NPAS2: variants seen among roughly 807,000 people sequenced by gnomAD.
NPAS2 encodes the protein neuronal PAS domain protein 2, also known as neuronal PAS domain-containing protein 2.
Under a neutral mutation model 107.5 loss-of-function variants are expected in NPAS2, and 23 were observed. The observed-to-expected ratio is 0.21, with a 90% CI of 0.15 to 0.30. The LOEUF (loss-of-function observed/expected upper bound fraction) is 0.30. Ranked by LOEUF, NPAS2 falls within the 10% of genes least tolerant of loss-of-function variation. NPAS2 has a pLI of 1.00. For synonymous variants in NPAS2, 403 were observed against 417.5 expected (o/e 0.97, Z 0.42); for missense variants, 756 against 1,043.3 (o/e 0.72, Z 3.79).
At chr2:100,899,119 G>A (rs1681611765) in intron 1 of NPAS2, among the ~76,000 whole-genome samples, 1 of 152,148 alleles carries the variant, frequency 6.6e-6, no homozygotes, top group Non-Finnish European at 1.5e-5. Flanking sequence ...GAGATGTGCT[G>A]ACAAAGCGTG....
At chr2:100,912,022 A>C (rs1021765223) in intron 2 of NPAS2, among the ~76,000 whole-genome samples, 1 of 152,162 alleles carries the variant, frequency 6.6e-6, no homozygotes, top group Non-Finnish European at 1.5e-5. Context: ...TTCACCTTTT[A>C]TGGACAGCAC....
chr2:100,982,040 C>T (rs557791070), intron 15 of NPAS2, among the ~76,000 whole-genome samples, 191 bp from the exon 16 acceptor site: 2 of 152,308 alleles, frequency 1.3e-5, no homozygotes, highest in East Asian at 3.9e-4. Context: ...GGTGCAGGGG[C>T]CCCCAGGATG....
intron 5 of NPAS2, among the ~76,000 whole-genome samples, chr2:100,942,266 T>G (rs758844538): frequency 1.3e-4 from 20 of 151,804 alleles, no homozygotes; most frequent in Non-Finnish European, 2.8e-4. Context: ...CAGGAGGAGA[T>G]CCCAGGAAAG....
chr2:100,869,900 C>CT (rs34489501), intron 1 of NPAS2, among the ~76,000 whole-genome samples: 2,856 of 82,436 alleles, frequency 0.035, 104 homozygotes, highest in African/African-American at 0.058. Flanking sequence ...CTCCTGACTT[C>CT]TTTTTTTTTT....
intron 1 of NPAS2, among the ~76,000 whole-genome samples, chr2:100,833,303 C>T (rs1676859879): frequency 1.3e-5 from 2 of 152,162 alleles, no homozygotes; most frequent in Non-Finnish European, 2.9e-5. Context: ...TATTGATACT[C>T]AGGATGAGAA....
At chr2:100,889,397 G>T (rs1156684019) in intron 1 of NPAS2, among the ~76,000 whole-genome samples, 1 of 152,224 alleles carries the variant, frequency 6.6e-6, no homozygotes, top group African/African-American at 2.4e-5. Flanking sequence ...CCTGTATCCA[G>T]TGGCTCTTCT....
At chr2:100,831,575 A>G (rs1408351850) in intron 1 of NPAS2, among the ~76,000 whole-genome samples, 2 of 152,126 alleles carry the variant, frequency 1.3e-5, no homozygotes, top group South Asian at 4.1e-4. Context: ...CCAAAAGCAG[A>G]TGGAAGTTTT....
chr2:100,882,204 A>G (rs754896747), intron 1 of NPAS2, among the ~76,000 whole-genome samples: 28 of 152,196 alleles, frequency 1.8e-4, no homozygotes, highest in Non-Finnish European at 3.7e-4. Context: ...TCACTATAGC[A>G]CAATATCACC....
intron 5 of NPAS2, 133 bp from the exon 6 acceptor site, chr2:100,948,102 C>T: frequency 1.0e-6 from 1 of 955,428 alleles, no homozygotes; most frequent in South Asian, 1.5e-5. Flanking sequence ...TGAGAGTGTC[C>T]ACAGAAAATC....
intron 1 of NPAS2, among the ~76,000 whole-genome samples, chr2:100,838,824 C>T (rs1407740441): frequency 6.6e-6 from 1 of 152,072 alleles, no homozygotes; most frequent in Non-Finnish European, 1.5e-5. Context: ...GGGTGCTTTG[C>T]TCCATTGCTT....
At chr2:100,969,082 G>A (rs1034611940) in intron 11 of NPAS2, among the ~76,000 whole-genome samples, 3 of 152,138 alleles carry the variant, frequency 2.0e-5, no homozygotes, top group Non-Finnish European at 2.9e-5. Flanking sequence ...CCCCGACTAC[G>A]GAAATTTTAA....
At chr2:100,885,450 T>TGTATG (rs1680642737) in intron 1 of NPAS2, among the ~76,000 whole-genome samples, 2 of 152,212 alleles carry the variant, frequency 1.3e-5, no homozygotes, top group Non-Finnish European at 2.9e-5. Flanking sequence ...AGAGTATATG[T>TGTATG]GTATGTGGCC....
chr2:100,979,249 A>G (rs1003844965), intron 15 of NPAS2, among the ~76,000 whole-genome samples: 7 of 152,054 alleles, frequency 4.6e-5, no homozygotes, highest in African/African-American at 1.7e-4. Context: ...AAAGAAAAAA[A>G]AACCTGAATA....
intron 1 of NPAS2, among the ~76,000 whole-genome samples, chr2:100,902,381 C>T (rs1681840134): frequency 6.6e-6 from 1 of 152,218 alleles, no homozygotes; most frequent in Admixed American, 6.5e-5. Flanking sequence ...AATGGGATAT[C>T]ACTCGGCCTT....
chr2:100,884,957 T>A (rs1356969764), intron 1 of NPAS2, among the ~76,000 whole-genome samples: 2 of 151,372 alleles, frequency 1.3e-5, no homozygotes, highest in Admixed American at 1.3e-4. Context: ...TATATAATTT[T>A]TTTTTTTTTG....
intron 1 of NPAS2, among the ~76,000 whole-genome samples, chr2:100,860,122 G>A (rs1678846578): frequency 6.6e-6 from 1 of 152,186 alleles, no homozygotes; most frequent in African/African-American, 2.4e-5. Context: ...ATCACACGTT[G>A]CATTTCGTTG....
chr2:100,897,802 C>T (rs1255485420), intron 1 of NPAS2, among the ~76,000 whole-genome samples: 18 of 152,350 alleles, frequency 1.2e-4, no homozygotes, highest in East Asian at 5.8e-4. Flanking sequence ...ATGCATCCCC[C>T]GCCTCATGTA....
At chr2:100,979,318 C>T (rs1457715076) in intron 15 of NPAS2, among the ~76,000 whole-genome samples, 1 of 151,670 alleles carries the variant, frequency 6.6e-6, no homozygotes, top group African/African-American at 2.4e-5. Context: ...ACCTTTTAAT[C>T]CAAAGGGGCA....
In NPAS2 at chr2:100,975,581, C is replaced by T; in HGVS notation, c.1392+14C>T. On this transcript the variant is annotated intron_variant, in intron 14 of 20. Transcript: ENST00000335681. ...GCCACCATGCCGGTAAGTGTGTGACCCCAAACTCCTCCACGGGTGTACGCT... is the reference window on the plus strand; with the variant it reads ...GCCACCATGCCGGTAAGTGTGTGACTCCAAACTCCTCCACGGGTGTACGCT... The T allele has an allele frequency of 1.9e-6, 3 of 1,587,454 alleles. No homozygotes were observed. The highest frequency in any genetic ancestry group is 2.6e-6 in the Non-Finnish European group (3 of 1,160,452).
Sources: gnomAD v4.1 joint callset for allele counts (sites outside exome capture counted in the v4.1 genomes callset) on GRCh38, gnomAD v4.1.1 for gene constraint, MANE v1.5 for transcripts, NCBI Gene and HGNC (gene_info 2026-07-23, HGNC 2026-07-21) for gene names.